The following TIPIN variants were observed in gnomAD, a reference collection of about 807,000 sequenced individuals.
The protein encoded by TIPIN is TIMELESS interacting protein, also known as TIMELESS-interacting protein.
TIPIN carries 29 observed loss-of-function variants against 35.6 expected under a neutral mutation model. The ratio of observed to expected loss-of-function variants is 0.82; its 90% CI spans 0.61 to 1.11. The LOEUF is 1.11. Ranked by LOEUF, TIPIN falls within the 50% of genes most tolerant of loss-of-function variation. The pLI is 0.00. For synonymous variants in TIPIN, 102 were observed against 121.5 expected (o/e 0.84, Z 1.06); for missense variants, 296 against 345.4 (o/e 0.86, Z 1.13).
chr15:66,378,220 C>A (rs188609937), intron 1 of TIPIN, among the ~76,000 whole-genome samples: 79 of 152,286 alleles, frequency 5.2e-4, no homozygotes, highest in African/African-American at 1.9e-3. Context: ...CCAGGGTGGT[C>A]TTGAACTCCT....
upstream of TIPIN, among the ~76,000 whole-genome samples, chr15:66,361,545 G>C (rs1281424767): frequency 7.3e-6 from 1 of 136,844 alleles, no homozygotes; most frequent in Non-Finnish European, 1.5e-5. Context: ...GTGTGCCACT[G>C]TGCCCCACCT....
chr15:66,345,309 G>A (rs1345447862), intron 6 of TIPIN, among the ~76,000 whole-genome samples: 1 of 152,136 alleles, frequency 6.6e-6, no homozygotes, highest in Non-Finnish European at 1.5e-5. Context: ...CAAGCACAGT[G>A]GCTCACACCT....
intron 1 of TIPIN, among the ~76,000 whole-genome samples, chr15:66,362,744 T>G (rs1315317290): frequency 6.6e-6 from 1 of 151,922 alleles, no homozygotes; most frequent in Non-Finnish European, 1.5e-5. Context: ...TAAATAAAAA[T>G]AAAAAGAAAA....
At chr15:66,347,130 A>G in intron 6 of TIPIN, 1 of 408,360 alleles carries the variant, frequency 2.4e-6, no homozygotes, top group South Asian at 1.8e-5. Flanking sequence ...AAAGTAGTTT[A>G]TAAATAACTT....
intron 1 of TIPIN, among the ~76,000 whole-genome samples, chr15:66,368,206 T>C (rs980586686): frequency 2.6e-5 from 4 of 152,172 alleles, no homozygotes; most frequent in South Asian, 2.1e-4. Flanking sequence ...ATGGGCATTA[T>C]AGGAAATTGC....
At chr15:66,373,216 G>A (rs2093283835) in intron 1 of TIPIN, among the ~76,000 whole-genome samples, 2 of 152,172 alleles carry the variant, frequency 1.3e-5, no homozygotes, top group East Asian at 3.9e-4. Context: ...AGTCATGGCC[G>A]GGCGCAGTGG....
chr15:66,345,806 C>A (rs1219391174), intron 6 of TIPIN, among the ~76,000 whole-genome samples: 4 of 151,986 alleles, frequency 2.6e-5, no homozygotes, highest in African/African-American at 9.7e-5. Flanking sequence ...TTCTGTGGCA[C>A]CTGATCAAAA....
intron 6 of TIPIN, among the ~76,000 whole-genome samples, chr15:66,346,257 CTTT>C (rs536484516): frequency 1.9e-4 from 25 of 131,026 alleles, no homozygotes; most frequent in East Asian, 2.2e-4. Context: ...CTTAATTTAT[CTTT>C]TTTTTTTTTT....
At chr15:66,340,229 G>A (rs1202263532) in intron 7 of TIPIN, among the ~76,000 whole-genome samples, 3 of 130,844 alleles carry the variant, frequency 2.3e-5, no homozygotes, top group African/African-American at 6.0e-5. Context: ...CCAGGCTGGA[G>A]TGCAATGGGT....
At chr15:66,346,485 T>C (rs1474324237) in intron 6 of TIPIN, among the ~76,000 whole-genome samples, 2 of 152,138 alleles carry the variant, frequency 1.3e-5, no homozygotes, top group Non-Finnish European at 2.9e-5. Context: ...CAGGGACATG[T>C]AACTATGCTC....
At position 66,341,351 on chromosome 15, in the gene TIPIN, C is replaced by T. The variant is rs753754622; in HGVS notation, c.481G>A (p.Val161Ile). The change falls in exon 7 of 8, where the codon GTT becomes ATT. Residue 161 changes from valine to isoleucine, a missense_variant. Coordinates refer to ENST00000261881, the MANE Select transcript of TIPIN (RefSeq NM_017858.3). Reference protein sequence around the residue: ...HEDFVSNNDEVAENNEHDVTS... With the variant: ...HEDFVSNNDEIAENNEHDVTS... ...ACATCATGTTCATTATTCTCCGCAA[C>T]TTCATCTGCAATAGAAAAGAAATAG... 2 of 1,610,840 alleles carry T rather than the reference C, an allele frequency of 1.2e-6. No homozygotes were observed. The highest frequency in any genetic ancestry group is 1.3e-5 in the African/African-American group (1 of 74,898).
intron 1 of TIPIN, among the ~76,000 whole-genome samples, chr15:66,385,582 C>T (rs534632261): frequency 4.0e-5 from 6 of 151,340 alleles, no homozygotes; most frequent in African/African-American, 1.2e-4. Context: ...CTCCGCCTCC[C>T]GAGTTCAAGC....
chr15:66,349,296 T>A lies in TIPIN; in HGVS notation c.411+19A>T. 6.2e-7 allele frequency: 1 copy of A among 1,611,634 alleles called. No individual in the cohort carries two copies. Among genetic ancestry groups the A allele is most frequent in the African/African-American group, 1.3e-5 (1 of 74,992 alleles). On this transcript the variant is annotated intron_variant, in intron 5 of 7. Transcript: ENST00000261881. ...CCATTTAGCATGTGAATGATATTTA[T>A]AATCATCTCAACACTTACCTGAACT...
intron 1 of TIPIN, chr15:66,379,357 CAGTT>C: frequency 6.3e-7 from 1 of 1,596,478 alleles, no homozygotes; most frequent in Non-Finnish European, 8.5e-7. Flanking sequence ...TCCTGCTGAA[CAGTT>C]CCTTTTTCAG....
intron 1 of TIPIN, chr15:66,386,448 A>T (rs1468380081): frequency 6.6e-6 from 1 of 152,396 alleles, no homozygotes; most frequent in Admixed American, 6.5e-5. Flanking sequence ...TATATGCGTC[A>T]GTTTGTTGGG....
chr15:66,349,181 A>G, intron 5 of TIPIN, 58 bp from the exon 6 acceptor site: 1 of 1,596,372 alleles, frequency 6.3e-7, no homozygotes, highest in Non-Finnish European at 8.6e-7. Flanking sequence ...TTGGGGGGAG[A>G]TAATTTGCTA....
chr15:66,355,565 C>G (rs1030210081), intron 1 of TIPIN, among the ~76,000 whole-genome samples: 2 of 151,358 alleles, frequency 1.3e-5, no homozygotes, highest in African/African-American at 4.9e-5. Context: ...CTGGCCAACA[C>G]AGTGAAACCC....
intron 1 of TIPIN, among the ~76,000 whole-genome samples, chr15:66,354,184 A>T (rs2093188445): frequency 6.6e-6 from 1 of 152,116 alleles, no homozygotes; most frequent in Non-Finnish European, 1.5e-5. Context: ...CCTGATTTTT[A>T]TCTCTACCCT....
chr15:66,355,695 G>C (rs908849317), intron 1 of TIPIN, among the ~76,000 whole-genome samples: 1 of 152,118 alleles, frequency 6.6e-6, no homozygotes, highest in Admixed American at 6.5e-5. Flanking sequence ...AGCTTGCAGT[G>C]AGCCGAGACC....
Sources: allele counts gnomAD v4.1 joint callset (sites outside exome capture counted in the v4.1 genomes callset), GRCh38; gene constraint gnomAD v4.1.1; transcripts MANE v1.5; gene names NCBI Gene and HGNC (gene_info 2026-07-23, HGNC 2026-07-21).